Variants in C6orf89 observed in about 807,000 individuals in gnomAD.
C6orf89 encodes chromosome 6 open reading frame 89.
C6orf89 carries 29 observed loss-of-function variants against 40.7 expected under a neutral mutation model. The observed-to-expected ratio is 0.71, with a 90% CI of 0.53 to 0.97. C6orf89 has a LOEUF of 0.97. Ranked by LOEUF, C6orf89 falls within the 50% of genes least tolerant of loss-of-function variation. The pLI is 0.00. For missense variants in C6orf89, 392 were observed against 429.1 expected, an observed-to-expected ratio of 0.91 and a Z score of 0.76; for synonymous variants, 165 against 152.2, an observed-to-expected ratio of 1.08 and a Z score of -0.62.
intron 4 of C6orf89, among the ~76,000 whole-genome samples, chr6:36,912,183 T>G (rs953328019): frequency 7.2e-5 from 11 of 152,102 alleles, no homozygotes; most frequent in African/African-American, 2.2e-4. Context: ...AAACCCCCAC[T>G]GCACGCCCAG....
chr6:36,892,419 T>TG (rs886751617), intron 1 of C6orf89, among the ~76,000 whole-genome samples: 2 of 152,328 alleles, frequency 1.3e-5, no homozygotes, highest in Middle Eastern at 3.4e-3. Flanking sequence ...CGTAACTCAC[T>TG]GAGCCTCTAA....
intron 2 of C6orf89, among the ~76,000 whole-genome samples, chr6:36,896,809 C>G (rs769657156): frequency 1.3e-5 from 2 of 151,992 alleles, no homozygotes; most frequent in Non-Finnish European, 2.9e-5. Context: ...GTATTTGATC[C>G]ATTTTGAGTT....
At chr6:36,894,128 C>T (rs1310496092) in intron 1 of C6orf89, among the ~76,000 whole-genome samples, 2 of 152,096 alleles carry the variant, frequency 1.3e-5, no homozygotes, top group Non-Finnish European at 2.9e-5. Context: ...CTGTTTTCCT[C>T]ACCTGTACTT....
chr6:36,883,060 T>C (rs1023831308), upstream of C6orf89: 9 of 152,296 alleles, frequency 5.9e-5, no homozygotes, highest in African/African-American at 1.7e-4. Flanking sequence ...TTTCAATGCA[T>C]GTTTTCTGGT....
At chr6:36,888,232 A>AAAT (rs1775067379) in intron 1 of C6orf89, among the ~76,000 whole-genome samples, 1 of 152,246 alleles carries the variant, frequency 6.6e-6, no homozygotes, top group Non-Finnish European at 1.5e-5. Context: ...ATTTGCATCC[A>AAAT]GCTTTTTCCA....
At position 36,902,258 on chromosome 6, in the gene C6orf89, A is replaced by G; in HGVS notation, c.227A>G (p.Tyr76Cys). 6.2e-7 allele frequency: 1 copy of G among 1,614,018 alleles called. No individual in the cohort carries two copies. Among genetic ancestry groups the G allele is most frequent in the Non-Finnish European group, 8.5e-7 (1 of 1,180,000 alleles). The part of the protein sequence containing the change: ...ATLGLILLTA[Y>C]FVIQPFSPLA... ...TTGGGATTAATCTTGCTCACTGCCT[A>G]CTTTGTGATTCAACCTTTCAGCCCA... Residue 76 changes from tyrosine (Y) to cysteine (C), a missense_variant, in exon 4 of 9, where the codon TAC becomes TGC. By Grantham distance (194) the Tyr-to-Cys change is radical. Transcript: ENST00000480824.
intron 4 of C6orf89, 64 bp from the exon 5 acceptor site, chr6:36,914,220 G>C (rs1332841042): frequency 1.5e-6 from 2 of 1,356,174 alleles, no homozygotes; most frequent in Non-Finnish European, 2.0e-6. Flanking sequence ...CATTGTTGGA[G>C]CTACTGGATG....
chr6:36,890,967 T>C (rs188253612), intron 1 of C6orf89, among the ~76,000 whole-genome samples: 18 of 151,814 alleles, frequency 1.2e-4, no homozygotes, highest in Non-Finnish European at 2.1e-4. Flanking sequence ...TTTGTAGTGG[T>C]TCTTATTATA....
At chr6:36,888,540 A>G (rs1011809619) in intron 1 of C6orf89, among the ~76,000 whole-genome samples, 4 of 152,178 alleles carry the variant, frequency 2.6e-5, no homozygotes, top group African/African-American at 7.2e-5. Flanking sequence ...AGGCTGAGGC[A>G]CGAGAATCTC....
At chr6:36,888,913 G>T (rs1287375498) in intron 1 of C6orf89, among the ~76,000 whole-genome samples, 1 of 152,164 alleles carries the variant, frequency 6.6e-6, no homozygotes, top group African/African-American at 2.4e-5. Flanking sequence ...AGGTGCAGTG[G>T]GAGGAATGAG....
At position 36,923,543 on chromosome 6, in the gene C6orf89, A is replaced by G. The variant is rs1180336351; in HGVS notation, c.*102A>G. ...TGAAACTGCTTTCTGGGGGTTGGTT[A>G]CTTAGTTACCTGCCCTTTGCATGCA... On this transcript the variant is annotated 3_prime_UTR_variant, in exon 9 of 9. Coordinates refer to ENST00000480824, the MANE Select transcript of C6orf89 (RefSeq NM_001286635.2). The G allele has an allele frequency of 2.2e-6, 2 of 910,258 alleles. No homozygotes were observed. The highest frequency in any genetic ancestry group is 3.3e-5 in the African/African-American group (2 of 60,678). 56.4% of individuals were successfully genotyped at this position (910,258 alleles called of 1,614,324 possible).
In C6orf89 at chr6:36,927,645, T is replaced by C. The variant is rs1039481647; in HGVS notation, c.*4204T>C. The C allele has an allele frequency of 2.6e-5, 4 of 152,238 alleles. No individual in the cohort carries two copies. The highest frequency in any genetic ancestry group is 6.5e-5 in the Admixed American group (1 of 15,286). 9.4% of individuals were successfully genotyped at this position (152,238 alleles called of 1,614,324 possible). ...TTGAAGGAAGGGAGTGTCAGAGATA[T>C]GCTTTAAAGTTGTACTTTAGGCTGA... On this transcript the variant is annotated 3_prime_UTR_variant, in exon 9 of 9. Coordinates refer to ENST00000480824, the MANE Select transcript of C6orf89 (RefSeq NM_001286635.2).
At chr6:36,889,582 C>CAAAAAAAAAAAAAAAAA (rs58417436) in intron 1 of C6orf89, among the ~76,000 whole-genome samples, 7 of 140,460 alleles carry the variant, frequency 5.0e-5, no homozygotes, top group African/African-American at 1.0e-4. Context: ...AAAACAAAAA[C>CAAAAAAAAAAAAAAAAA]AAAAAAAAAA....
chr6:36,898,471 G>A (rs922100759), intron 2 of C6orf89, among the ~76,000 whole-genome samples: 6 of 151,602 alleles, frequency 4.0e-5, no homozygotes, highest in African/African-American at 1.5e-4. Flanking sequence ...TAGAGGCGGG[G>A]TTTCTCCGTG....
chr6:36,878,191 C>T (rs1245672543), intron 1 of C6orf89, among the ~76,000 whole-genome samples: 1 of 152,192 alleles, frequency 6.6e-6, no homozygotes, highest in Non-Finnish European at 1.5e-5. Context: ...TTTCCTCACT[C>T]CTCTGTTTCA....
chr6:36,898,207 C>G (rs1040162521), intron 2 of C6orf89, among the ~76,000 whole-genome samples: 3 of 152,176 alleles, frequency 2.0e-5, no homozygotes, highest in Non-Finnish European at 4.4e-5. Context: ...CTCAGCTTCC[C>G]AGGTAGCTGG....
At position 36,924,048 on chromosome 6, in the gene C6orf89, A is replaced by G. The variant is rs1762603172; in HGVS notation, c.*607A>G. ...TGGCTCTTGGAGTCTCCGTGATGCC[A>G]GGCTAGAGTCTGATTATATAATAAT... On this transcript the variant is annotated 3_prime_UTR_variant, in exon 9 of 9. Transcript: ENST00000480824. The G allele has an allele frequency of 6.1e-6, 1 of 163,942 alleles. No individual in the cohort carries two copies. The highest frequency in any genetic ancestry group is 1.5e-4 in the South Asian group (1 of 6,556). The allele number at this position is 163,942 out of a possible 1,614,324, so 10.2% of individuals were successfully genotyped here.
intron 4 of C6orf89, among the ~76,000 whole-genome samples, chr6:36,905,992 A>G (rs1218182389): frequency 6.6e-6 from 1 of 152,222 alleles, no homozygotes; most frequent in Non-Finnish European, 1.5e-5. Flanking sequence ...AGGCGCTAGC[A>G]TGTTCAGCCA....
chr6:36,909,181 G>GTTT (rs67631050), intron 4 of C6orf89, among the ~76,000 whole-genome samples: 4,445 of 137,458 alleles, frequency 0.032, 207 homozygotes, highest in African/African-American at 0.11. Context: ...GTTGTTGTGG[G>GTTT]TTTTTTTTTT....
Sources: gnomAD v4.1 joint callset for allele counts (sites outside exome capture counted in the v4.1 genomes callset) on GRCh38, gnomAD v4.1.1 for gene constraint, MANE v1.5 for transcripts, NCBI Gene and HGNC (gene_info 2026-07-23, HGNC 2026-07-21) for gene names.